MRPS21: variants seen among roughly 807,000 people sequenced by gnomAD.
MRPS21 encodes the protein small ribosomal subunit protein bS21m.
MRPS21 carries 8 observed loss-of-function variants against 9.9 expected under a neutral mutation model. The observed-to-expected ratio is 0.81, with a 90% CI of 0.47 to 1.45. The LOEUF is 1.45. MRPS21 is among the 40% of genes most tolerant of loss of function. The pLI, the probability that MRPS21 is intolerant of heterozygous loss-of-function variation, is 0.00. For synonymous variants in MRPS21, 40 were observed against 40.3 expected, an observed-to-expected ratio of 0.99 and a Z score of 0.03; for missense variants, 101 against 118.9, an observed-to-expected ratio of 0.85 and a Z score of 0.70.
chr1:150,308,294 A>G lies in MRPS21; in HGVS notation c.*66A>G, dbSNP rs1553858873. The G allele has an allele frequency of 1.3e-6, 2 of 1,486,266 alleles. No individual in the cohort carries two copies. The highest frequency in any genetic ancestry group is 1.4e-5 in the African/African-American group (1 of 72,298). 92.1% of individuals were successfully genotyped at this position (1,486,266 alleles called of 1,614,324 possible). On this transcript the variant is annotated 3_prime_UTR_variant, in exon 3 of 3. Transcript: ENST00000614145. ...TTTTCTCTCCATCTCTTTTCTTTGT[A>G]CAATCCCATTTCCTATTACCATTCT...
chr1:150,301,648 T>C (rs1235247151), intron 2 of MRPS21, among the ~76,000 whole-genome samples: 3 of 151,190 alleles, frequency 2.0e-5, no homozygotes, highest in African/African-American at 7.3e-5. Flanking sequence ...ACGGAGTCTC[T>C]CTCTGTTGCC....
At chr1:150,298,156 C>T (rs1653983950) in intron 2 of MRPS21, among the ~76,000 whole-genome samples, 1 of 152,194 alleles carries the variant, frequency 6.6e-6, no homozygotes, top group African/African-American at 2.4e-5. Context: ...TGGTCTCTAA[C>T]TCCCAACCTC....
chr1:150,297,005 C>G (rs1653934828), intron 2 of MRPS21, among the ~76,000 whole-genome samples: 1 of 152,080 alleles, frequency 6.6e-6, no homozygotes. Flanking sequence ...GAAAAAAATG[C>G]TGTCAGCCGG....
chr1:150,307,350 T>A (rs1481247931), intron 2 of MRPS21, among the ~76,000 whole-genome samples: 1,368 of 26,114 alleles, frequency 0.052, 56 homozygotes, highest in African/African-American at 0.28. Flanking sequence ...GCCCAGTCCT[T>A]TTTTTTTTTT....
chr1:150,301,310 G>T, intron 2 of MRPS21: 1 of 286,286 alleles, frequency 3.5e-6, no homozygotes, highest in South Asian at 2.7e-5. Flanking sequence ...ACTCCAACCT[G>T]GGGGACGAGA....
intron 2 of MRPS21, among the ~76,000 whole-genome samples, chr1:150,306,637 A>ACCACCATGCCCGGTG (rs1362186973): frequency 2.0e-5 from 3 of 152,092 alleles, no homozygotes; most frequent in African/African-American, 7.2e-5. Flanking sequence ...CTGGGATTAC[A>ACCACCATGCCCGGTG]GGCATACACC....
intron 2 of MRPS21, among the ~76,000 whole-genome samples, chr1:150,306,645 AC>A (rs1654341821): frequency 6.6e-6 from 1 of 151,812 alleles, no homozygotes; most frequent in East Asian, 1.9e-4. Context: ...ACAGGCATAC[AC>A]CACCATGCCC....
intron 2 of MRPS21, among the ~76,000 whole-genome samples, chr1:150,307,034 C>CT (rs1553858625): frequency 8.3e-6 from 1 of 121,156 alleles, no homozygotes; most frequent in Non-Finnish European, 1.6e-5. Context: ...TAATTAATTG[C>CT]TTTTTTATTT....
chr1:150,304,528 AG>A (rs1654254122), intron 2 of MRPS21: 1 of 159,910 alleles, frequency 6.3e-6, no homozygotes, highest in Non-Finnish European at 1.3e-5. Flanking sequence ...AGGCCAAGGC[AG>A]GCAGATCATG....
rs201804827 is a variant in MRPS21 at position 150,308,423 on chromosome 1, CTG to C, written c.*196_*197del. 0.019 allele frequency: 9,789 copies of C among 521,574 alleles called. 151 individuals carry two copies. Among genetic ancestry groups the C allele is most frequent in the Middle Eastern group, 0.061 (113 of 1,854 alleles). 32.3% of individuals were successfully genotyped at this position (521,574 alleles called of 1,614,324 possible). On this transcript the variant is annotated 3_prime_UTR_variant, in exon 3 of 3. Transcript: ENST00000614145. ...GTCTTTTATTAAGTGAAAGAAGAAACTGAGTCTGAAAGTACTCTAGGAGTAGA... is the reference window on the plus strand; with the variant it reads ...GTCTTTTATTAAGTGAAAGAAGAAACAGTCTGAAAGTACTCTAGGAGTAGA...
chr1:150,307,830 G>A (rs1057276453), intron 2 of MRPS21, among the ~76,000 whole-genome samples: 14 of 152,052 alleles, frequency 9.2e-5, no homozygotes, highest in Non-Finnish European at 2.1e-4. Context: ...CTCACCTTGG[G>A]CTCCCAGGGT....
intron 2 of MRPS21, among the ~76,000 whole-genome samples, chr1:150,298,890 A>G (rs1440363998): frequency 6.6e-6 from 1 of 151,768 alleles, no homozygotes; most frequent in African/African-American, 2.4e-5. Context: ...GTGAGCCACC[A>G]TGCCCAGCTG....
At chr1:150,295,395 G>T (rs782346495) in intron 2 of MRPS21, among the ~76,000 whole-genome samples, 1 of 152,062 alleles carries the variant, frequency 6.6e-6, no homozygotes, top group South Asian at 2.1e-4. Flanking sequence ...CGCCACCACC[G>T]CAGTTAATTT....
At chr1:150,303,707 T>C (rs1654223990) in intron 2 of MRPS21, among the ~76,000 whole-genome samples, 1 of 152,220 alleles carries the variant, frequency 6.6e-6, no homozygotes, top group Admixed American at 6.5e-5. Flanking sequence ...AACAATTTCA[T>C]AGGAGTGTAG....
intron 2 of MRPS21, among the ~76,000 whole-genome samples, chr1:150,307,018 G>A (rs1553858622): frequency 6.7e-6 from 1 of 149,636 alleles, no homozygotes; most frequent in Non-Finnish European, 1.5e-5. Context: ...AAGAGCAAGG[G>A]CCATGTAATT....
intron 2 of MRPS21, chr1:150,301,315 A>G: frequency 3.5e-6 from 1 of 288,658 alleles, no homozygotes; most frequent in Non-Finnish European, 7.0e-6. Context: ...AACCTGGGGG[A>G]CGAGAGCGAG....
chr1:150,305,390 T>A (rs1259542922), intron 2 of MRPS21, among the ~76,000 whole-genome samples: 1 of 152,174 alleles, frequency 6.6e-6, no homozygotes, highest in African/African-American at 2.4e-5. Flanking sequence ...TGCCAAAGTT[T>A]GATTTCACCT....
intron 2 of MRPS21, among the ~76,000 whole-genome samples, chr1:150,300,160 T>A (rs1553857392): frequency 6.6e-6 from 1 of 152,002 alleles, no homozygotes; most frequent in African/African-American, 2.4e-5. Flanking sequence ...CTGGCCAACA[T>A]GGTAAAACCC....
Position 150,308,609 on chromosome 1 carries a change from C to A in MRPS21, c.*381C>A, listed in dbSNP as rs471464. On this transcript the variant is annotated 3_prime_UTR_variant, in exon 3 of 3. Transcript: ENST00000614145. ...CACTTTGGGAGGCTGAGGCGGGCGGCTCACTTGAGGCCAGGAGTTTGAGAC... is the reference window on the plus strand; with the variant it reads ...CACTTTGGGAGGCTGAGGCGGGCGGATCACTTGAGGCCAGGAGTTTGAGAC... 0.7 allele frequency: 110,292 copies of A among 156,930 alleles called. 40,231 individuals carry two copies. The highest frequency in any genetic ancestry group is 0.91 in the African/African-American group (37,847 of 41,540). 9.7% of individuals were successfully genotyped at this position (156,930 alleles called of 1,614,324 possible). A position where few individuals can be genotyped will look rare whatever the true frequency, so the allele number is the denominator to read the frequency against.
Sources: gnomAD v4.1 joint callset for allele counts (sites outside exome capture counted in the v4.1 genomes callset) on GRCh38, gnomAD v4.1.1 for gene constraint, MANE v1.5 for transcripts, NCBI Gene and HGNC (gene_info 2026-07-23, HGNC 2026-07-21) for gene names.